TMEM108: variants seen among roughly 807,000 people sequenced by gnomAD.
The protein encoded by TMEM108 is transmembrane protein 108.
TMEM108 carries 12 observed loss-of-function variants against 35.1 expected under a neutral mutation model. The observed-to-expected ratio is 0.34, with a 90% CI of 0.22 to 0.55. TMEM108 has a LOEUF of 0.55. Among genes scored for constraint, TMEM108 ranks in the 20% least tolerant of loss-of-function variants. The probability of loss-of-function intolerance (pLI) is 0.89; values close to 1 mark genes in which losing one functional copy is unlikely to be tolerated. For missense variants in TMEM108, 680 were observed against 753.3 expected (o/e 0.90, Z 1.14); for synonymous variants, 287 against 308.6 (o/e 0.93, Z 0.73).
At chr3:133,052,935 T>C (rs1943424296) in intron 2 of TMEM108, among the ~76,000 whole-genome samples, 1 of 152,150 alleles carries the variant, frequency 6.6e-6, no homozygotes. Flanking sequence ...GAGATGAGTT[T>C]GATGGGTTTT....
In TMEM108 at chr3:133,311,011, G is replaced by T. The variant is rs1043867110; in HGVS notation, c.41-68741G>T. Among the ~76,000 whole-genome samples the T allele has an allele frequency of 2.0e-5, 3 of 152,116 alleles. No homozygotes were observed. The South Asian group carries it at 6.2e-4, about 32-fold the overall frequency. ...TAGTTTGGCTGGATATGAAATCCTG[G>T]GTTGAAAATTCTTTTCTGTAAGAAT... On this transcript the variant is annotated intron_variant, in intron 3 of 5. Transcript: ENST00000321871.
At chr3:133,175,939 G>C (rs1945219217) in intron 2 of TMEM108, among the ~76,000 whole-genome samples, 1 of 152,134 alleles carries the variant, frequency 6.6e-6, no homozygotes. Flanking sequence ...CTCATGTGCA[G>C]AGACACACAT....
intron 2 of TMEM108, among the ~76,000 whole-genome samples, chr3:133,185,604 T>G (rs1465943421): frequency 6.6e-6 from 1 of 151,186 alleles, no homozygotes; most frequent in Admixed American, 6.6e-5. Flanking sequence ...TGTGTCAGGT[T>G]TGTAGAGCCA....
intron 2 of TMEM108, among the ~76,000 whole-genome samples, chr3:133,097,598 T>G (rs1329453914): frequency 6.6e-6 from 1 of 152,174 alleles, no homozygotes; most frequent in Non-Finnish European, 1.5e-5. Context: ...CATTAGAAAA[T>G]TATCTGTTAT....
intron 2 of TMEM108, among the ~76,000 whole-genome samples, chr3:133,139,254 T>A (rs1944608271): frequency 6.6e-6 from 1 of 152,240 alleles, no homozygotes; most frequent in Admixed American, 6.5e-5. Context: ...GTAGAATGAT[T>A]TATAATCCTT....
chr3:133,355,831 A>C (rs1182592164), intron 3 of TMEM108, among the ~76,000 whole-genome samples: 8 of 152,220 alleles, frequency 5.3e-5, no homozygotes, highest in Non-Finnish European at 1.2e-4. Flanking sequence ...GATAGAATAA[A>C]GATTGTAAAT....
intron 2 of TMEM108, among the ~76,000 whole-genome samples, chr3:133,187,998 T>G (rs1945446626): frequency 6.6e-6 from 1 of 152,262 alleles, no homozygotes; most frequent in East Asian, 1.9e-4. Flanking sequence ...TAGAGTTAAT[T>G]TTTTATTGCT....
chr3:133,251,462 T>C (rs1342272320), intron 3 of TMEM108, among the ~76,000 whole-genome samples: 1 of 152,116 alleles, frequency 6.6e-6, no homozygotes, highest in Non-Finnish European at 1.5e-5. Context: ...CTATAACAAC[T>C]CAAAGATCAC....
intron 2 of TMEM108, among the ~76,000 whole-genome samples, chr3:133,164,123 A>ATAGT (rs142150790): frequency 0.035 from 5,262 of 152,322 alleles, 120 homozygotes; most frequent in Middle Eastern, 0.075. Context: ...AATTTATAGA[A>ATAGT]TAGTTGTCAC....
intron 3 of TMEM108, among the ~76,000 whole-genome samples, chr3:133,260,287 TAAAA>T (rs10575513): frequency 2.7e-3 from 398 of 149,584 alleles, no homozygotes; most frequent in Admixed American, 6.2e-3. Context: ...TAGACAATAG[TAAAA>T]AAAAAAAAAA....
At chr3:133,249,113 A>T (rs1478241037) in intron 3 of TMEM108, among the ~76,000 whole-genome samples, 4 of 152,194 alleles carry the variant, frequency 2.6e-5, no homozygotes, top group Non-Finnish European at 4.4e-5. Context: ...TATAATCATG[A>T]CATCTCCTTC....
At chr3:133,273,244 T>G (rs568051217) in intron 3 of TMEM108, among the ~76,000 whole-genome samples, 1 of 152,288 alleles carries the variant, frequency 6.6e-6, no homozygotes, top group South Asian at 2.1e-4. Context: ...AAATTAAATA[T>G]GTATGTGTTT....
rs771400504 is a variant in TMEM108 at position 133,395,828 on chromosome 3, T to A, written c.1606-36T>A. ...AAGAATGGCCACCTCTTAAGCCTTCTCCAGCTCACTCCATCTCCTCCCTCT... is the reference window on the plus strand; with the variant it reads ...AAGAATGGCCACCTCTTAAGCCTTCACCAGCTCACTCCATCTCCTCCCTCT... On this transcript the variant is annotated intron_variant, in intron 5 of 5. Transcript: ENST00000321871. 16 of 1,509,020 alleles carry A rather than the reference T, an allele frequency of 1.1e-5. No homozygotes were observed. In the African/African-American group the frequency reaches 2.1e-4, roughly 20 times the overall value. 93.5% of individuals were successfully genotyped at this position (1,509,020 alleles called of 1,614,324 possible). A position where few individuals can be genotyped will look rare whatever the true frequency, so the allele number is the denominator to read the frequency against.
chr3:133,225,309 G>A (rs1946053395), intron 2 of TMEM108, among the ~76,000 whole-genome samples: 1 of 152,162 alleles, frequency 6.6e-6, no homozygotes, highest in African/African-American at 2.4e-5. Context: ...GCCTCCCAAA[G>A]TGCTGGGATT....
chr3:133,218,842 T>C (rs1332225292), intron 2 of TMEM108, among the ~76,000 whole-genome samples: 1 of 152,138 alleles, frequency 6.6e-6, no homozygotes, highest in Non-Finnish European at 1.5e-5. Flanking sequence ...TATAATTTTC[T>C]TTTCCTGTAG....
chr3:133,237,866 G>A (rs1576403042), intron 3 of TMEM108, among the ~76,000 whole-genome samples: 1 of 152,028 alleles, frequency 6.6e-6, no homozygotes, highest in Admixed American at 6.6e-5. Context: ...AATATTTTTT[G>A]TTTTACAGCT....
intron 2 of TMEM108, among the ~76,000 whole-genome samples, chr3:133,146,075 C>T (rs1416629770): frequency 6.6e-6 from 1 of 152,138 alleles, no homozygotes; most frequent in Non-Finnish European, 1.5e-5. Context: ...CAACTTTGGC[C>T]CATTCAGTAT....
At chr3:133,393,003 C>T (rs572486608) in intron 5 of TMEM108, among the ~76,000 whole-genome samples, 4 of 152,306 alleles carry the variant, frequency 2.6e-5, no homozygotes, top group African/African-American at 9.6e-5. Context: ...ATCCAGACTC[C>T]CATTCTCATG....
intron 3 of TMEM108, chr3:133,378,607 A>T (rs558861408): frequency 4.0e-5 from 37 of 931,366 alleles, no homozygotes; most frequent in Non-Finnish European, 4.6e-5. Flanking sequence ...CCGTAGAGAC[A>T]GGCTCTTCCC....
Sources: gnomAD v4.1 joint callset for allele counts (sites outside exome capture counted in the v4.1 genomes callset) on GRCh38, gnomAD v4.1.1 for gene constraint, MANE v1.5 for transcripts, NCBI Gene and HGNC (gene_info 2026-07-23, HGNC 2026-07-21) for gene names.